Variants in TMEM132C observed in about 807,000 individuals in gnomAD.
TMEM132C encodes protein phosphatase 1, regulatory subunit 152.
In TMEM132C, 29 loss-of-function variants were observed where a neutral mutation model predicts 61.4. The observed-to-expected ratio is 0.47, with a 90% CI of 0.35 to 0.64. TMEM132C has a LOEUF of 0.64. TMEM132C is among the 30% of genes least tolerant of loss of function. The pLI, the probability that TMEM132C is intolerant of heterozygous loss-of-function variation, is 0.00. For missense variants in TMEM132C, 1,408 were observed against 1,476.9 expected (o/e 0.95, Z 0.76); for synonymous variants, 656 against 633.1 (o/e 1.04, Z -0.54).
intron 3 of TMEM132C, among the ~76,000 whole-genome samples, chr12:128,600,108 G>T (rs1439468236): frequency 1.3e-5 from 2 of 152,004 alleles, no homozygotes; most frequent in Non-Finnish European, 2.9e-5. Flanking sequence ...TCAGCCTCCT[G>T]AGTAGCTGGG....
rs1954842272 is a variant in TMEM132C, at chr12:128,706,532, A to G, written c.*237A>G. ...AAAGTCTGGGGCATGGGGAGTGCAG[A>G]CCAAGTTACTGAACTGCACAGGCAA... On this transcript the variant is annotated 3_prime_UTR_variant, in exon 9 of 9. Coordinates refer to ENST00000435159, the MANE Select transcript of TMEM132C (RefSeq NM_001136103.3). 4.2e-6 allele frequency: 2 copies of G among 472,738 alleles called. No homozygotes were observed. The highest frequency in any genetic ancestry group is 6.7e-5 in the South Asian group (1 of 14,890). 29.3% of individuals were successfully genotyped at this position (472,738 alleles called of 1,614,324 possible).
Position 128,488,085 on chromosome 12 carries a change from C to T in TMEM132C, c.975-55872C>T, listed in dbSNP as rs141575286. 5.3e-3 allele frequency among the ~76,000 whole-genome samples: 813 copies of T among 152,282 alleles called. 4 individuals carry two copies. The highest frequency in any genetic ancestry group is 8.1e-3 in the Non-Finnish European group (553 of 68,032). Reference sequence around the variant, plus strand: ...AATTTGTAGCACTTGCCAGTTCCCACGGTGTAACTACTCACACCATAGCTA... The same window carrying T: ...AATTTGTAGCACTTGCCAGTTCCCATGGTGTAACTACTCACACCATAGCTA... On this transcript the variant is annotated intron_variant, in intron 2 of 8. Transcript: ENST00000435159.
chr12:128,342,317 C>T (rs923211661), intron 1 of TMEM132C, among the ~76,000 whole-genome samples: 1 of 152,136 alleles, frequency 6.6e-6, no homozygotes. Context: ...AGCCTGGCCA[C>T]GCTTCTTTGA....
At chr12:128,297,442 G>C (rs764564575) in intron 1 of TMEM132C, among the ~76,000 whole-genome samples, 4 of 152,158 alleles carry the variant, frequency 2.6e-5, no homozygotes, top group African/African-American at 9.7e-5. Flanking sequence ...AGTAATTTAC[G>C]GGTGCTATCA....
At chr12:128,448,904 G>A (rs1418488872) in intron 2 of TMEM132C, among the ~76,000 whole-genome samples, 6 of 151,900 alleles carry the variant, frequency 3.9e-5, no homozygotes, top group Non-Finnish European at 2.9e-5. Context: ...TTTATAGGCC[G>A]AGGCGGGCGG....
At chr12:128,456,366 CTTTTTTTTTTTTTTTTTTTTTTTTT>C (rs554652054) in intron 2 of TMEM132C, among the ~76,000 whole-genome samples, 1 of 52,446 alleles carries the variant, frequency 1.9e-5, no homozygotes. Context: ...TCTGATTAGC[CTTTTTTTTTTTTTTTTTTTTTTTTT>C]TTTTTTTTTT....
intron 1 of TMEM132C, among the ~76,000 whole-genome samples, chr12:128,392,729 G>T (rs1230432694): frequency 6.6e-6 from 1 of 150,880 alleles, no homozygotes; most frequent in Non-Finnish European, 1.5e-5. Flanking sequence ...ACTGGAAGAA[G>T]AAGAATTGTC....
At chr12:128,686,112 GTGTGTGCATGTA>G (rs991530015) in intron 5 of TMEM132C, among the ~76,000 whole-genome samples, 30 of 142,554 alleles carry the variant, frequency 2.1e-4, no homozygotes, top group African/African-American at 7.0e-4. Flanking sequence ...GTGTGCATGT[GTGTGTGCATGTA>G]TGTGTGCATG....
chr12:128,517,314 A>C (rs904720936), intron 2 of TMEM132C, among the ~76,000 whole-genome samples: 3 of 152,082 alleles, frequency 2.0e-5, no homozygotes, highest in Non-Finnish European at 4.4e-5. Context: ...ACACGCCTGT[A>C]ATCCCAGCTA....
chr12:128,422,362 G>A (rs368622680), intron 2 of TMEM132C, among the ~76,000 whole-genome samples: 1 of 152,152 alleles, frequency 6.6e-6, no homozygotes, highest in African/African-American at 2.4e-5. Flanking sequence ...AAGAACTTGC[G>A]GGTAGGGGGT....
chr12:128,553,776 C>G (rs1874247018), intron 3 of TMEM132C, among the ~76,000 whole-genome samples: 1 of 152,162 alleles, frequency 6.6e-6, no homozygotes, highest in Admixed American at 6.5e-5. Flanking sequence ...TTTTGTCACC[C>G]CTCTCCTGGC....
intron 1 of TMEM132C, among the ~76,000 whole-genome samples, chr12:128,296,134 G>A (rs1034728986): frequency 6.6e-6 from 1 of 152,136 alleles, no homozygotes; most frequent in African/African-American, 2.4e-5. Flanking sequence ...AAAGCTTTTG[G>A]CCTGATGCCT....
Position 128,630,321 on chromosome 12 carries a change from A to T in TMEM132C, c.1305+13986A>T, listed in dbSNP as rs915140658. 1.3e-5 allele frequency among the ~76,000 whole-genome samples: 2 copies of T among 152,164 alleles called. No homozygotes were observed. Among genetic ancestry groups the T allele is most frequent in the Admixed American group, 6.5e-5 (1 of 15,282 alleles). On this transcript the variant is annotated intron_variant, in intron 4 of 8. Transcript: ENST00000435159. The surrounding 1 kb of genome is among the most constrained non-coding windows in gnomAD (Gnocchi z 4.3). Reference sequence around the variant, plus strand: ...GGGCTGGAGCTTCTGGCCACATCCCACACCACTTAAGCCAAATCAGCGTAG... The same window carrying T: ...GGGCTGGAGCTTCTGGCCACATCCCTCACCACTTAAGCCAAATCAGCGTAG...
intron 1 of TMEM132C, among the ~76,000 whole-genome samples, chr12:128,291,737 T>C (rs1416201026): frequency 6.6e-6 from 1 of 152,210 alleles, no homozygotes; most frequent in Non-Finnish European, 1.5e-5. Context: ...TTCTGGATTA[T>C]AGGGAACTGC....
chr12:128,360,798 C>G (rs900424963), intron 1 of TMEM132C, among the ~76,000 whole-genome samples: 18 of 152,212 alleles, frequency 1.2e-4, no homozygotes, highest in African/African-American at 3.4e-4. Context: ...TCCATCCACA[C>G]CTGCTTCTCC....
chr12:128,532,961 A>C (rs1873372343), intron 2 of TMEM132C, among the ~76,000 whole-genome samples: 1 of 152,192 alleles, frequency 6.6e-6, no homozygotes, highest in African/African-American at 2.4e-5. Flanking sequence ...GAATACTGAA[A>C]ACCCACAGCC....
At chr12:128,313,687 A>C (rs999498922) in intron 1 of TMEM132C, among the ~76,000 whole-genome samples, 4 of 152,212 alleles carry the variant, frequency 2.6e-5, no homozygotes, top group African/African-American at 9.6e-5. Flanking sequence ...CGGGGCCAGC[A>C]GAGGAGCATA....
At chr12:128,510,117 C>G (rs554713881) in intron 2 of TMEM132C, among the ~76,000 whole-genome samples, 9 of 152,308 alleles carry the variant, frequency 5.9e-5, no homozygotes, top group African/African-American at 2.2e-4. Flanking sequence ...TCAATCCCAA[C>G]AGGTCCAGGG....
intron 1 of TMEM132C, among the ~76,000 whole-genome samples, chr12:128,410,550 A>C (rs1342898281): frequency 3.3e-5 from 5 of 151,528 alleles, no homozygotes; most frequent in Admixed American, 3.3e-4. Flanking sequence ...CTACAGGTGC[A>C]CCCCACCACA....
Sources: allele counts gnomAD v4.1 joint callset (sites outside exome capture counted in the v4.1 genomes callset), GRCh38; gene constraint gnomAD v4.1.1; non-coding constraint Gnocchi (gnomAD v3.1); transcripts MANE v1.5; gene names NCBI Gene and HGNC (gene_info 2026-07-23, HGNC 2026-07-21).